DOLK: variants seen among roughly 807,000 people sequenced by gnomAD.
DOLK encodes the protein dolichol kinase, also known as SEC59 homolog.
DOLK carries 20 observed loss-of-function variants against 31.7 expected under a neutral mutation model. That is an observed-to-expected ratio of 0.63 (90% CI 0.44 to 0.92). The LOEUF (loss-of-function observed/expected upper bound fraction) is 0.92. Ranked by LOEUF, DOLK falls within the 40% of genes least tolerant of loss-of-function variation. DOLK has a pLI of 0.00. For missense variants in DOLK, 594 were observed against 680.7 expected (o/e 0.87, Z 1.42); for synonymous variants, 309 against 287.0 (o/e 1.08, Z -0.77).
In DOLK at chr9:128,946,755, G is replaced by A. The variant is rs369689792; in HGVS notation, c.549C>T (p.Tyr183=). 6 of 1,613,942 alleles carry A rather than the reference G, an allele frequency of 3.7e-6. No individual in the cohort carries two copies. The African/African-American group carries it at 8.0e-5, about 22-fold the overall frequency. ...CAGGGGTGAAGCAGCGGGGCAGCAG[G>A]TACAGCAGGATCATGTTGAGATAAA... is the stretch of plus-strand genomic sequence containing the variant. ...IFVYLNMILL[Y]LLPRCFTPGE... The change falls in exon 1 of 1, where the codon TAC becomes TAT. Residue 183 remains tyrosine, a synonymous_variant. Coordinates refer to ENST00000372586, the MANE Select transcript of DOLK (RefSeq NM_014908.4).
Position 128,947,553 on chromosome 9 carries a change from C to CAGT in DOLK, c.-251_-250insACT. Reference sequence around the variant, plus strand: ...CACTCTGCAGCCTTCCTCACAGTTACAGCCGCCCCCGCTGCCGGCTCCTCA... The same window carrying CAGT: ...CACTCTGCAGCCTTCCTCACAGTTACAGTAGCCGCCCCCGCTGCCGGCTCCTCA... On this transcript the variant is annotated 5_prime_UTR_variant, in exon 1 of 1. Transcript: ENST00000372586. 1 of 980,468 alleles carries CAGT rather than the reference C, an allele frequency of 1.0e-6. No homozygotes were observed. Among genetic ancestry groups the CAGT allele is most frequent in the Non-Finnish European group, 1.5e-6 (1 of 673,306 alleles). The allele number at this position is 980,468 out of a possible 1,614,324, so 60.7% of individuals were successfully genotyped here.
chr9:128,945,706 A>C lies in DOLK; in HGVS notation c.1598T>G (p.Leu533Arg), dbSNP rs1400873369. Residue 533 changes from leucine (L) to arginine (R), a missense_variant, in exon 1 of 1, where the codon CTG becomes CGG. Physicochemically the swap from Leu to Arg is moderately radical, Grantham distance 102. Coordinates refer to ENST00000372586, the MANE Select transcript of DOLK (RefSeq NM_014908.4). The part of the protein sequence containing the change: ...IDNLLLPLYL[L>R]ILLMA ...TAACAGCTAGGCCATCAGCAATATC[A>C]GGAGGTAGAGAGGCAGAAGGAGATT... 6.2e-7 allele frequency: 1 copy of C among 1,614,066 alleles called. No homozygotes were observed. The highest frequency in any genetic ancestry group is 1.3e-5 in the African/African-American group (1 of 74,984).
At position 128,947,506 on chromosome 9, in the gene DOLK, C is replaced by A; in HGVS notation, c.-203G>T. ...GCGCCCGGCCACCCCCCACAGCCTC[C>A]AACCTACGGCGTAGACGTCGCCACT... On this transcript the variant is annotated 5_prime_UTR_variant, in exon 1 of 1. Coordinates refer to ENST00000372586, the MANE Select transcript of DOLK (RefSeq NM_014908.4). 1 of 903,602 alleles carries A rather than the reference C, an allele frequency of 1.1e-6. No individual in the cohort carries two copies. The highest frequency in any genetic ancestry group is 1.7e-6 in the Non-Finnish European group (1 of 593,700). The allele number at this position is 903,602 out of a possible 1,614,324, so 56.0% of individuals were successfully genotyped here. A position where few individuals can be genotyped will look rare whatever the true frequency, so the allele number is the denominator to read the frequency against.
chr9:128,946,329 G>A lies in DOLK; in HGVS notation c.975C>T (p.Ser325=), dbSNP rs149462670. ...TGGGGGCCTGGTGCTTCTTGGACTCGGAAGATGACCGCTTGGCATTCTGGT... is the reference window on the plus strand; with the variant it reads ...TGGGGGCCTGGTGCTTCTTGGACTCAGAAGATGACCGCTTGGCATTCTGGT... ...VLYQNAKRSS[S]ESKKHQAPTI... is the part of the protein sequence containing the mutation. Residue 325 remains serine, a synonymous_variant, in exon 1 of 1, where the codon TCC becomes TCT. Transcript: ENST00000372586. 43 of 1,614,130 alleles carry A rather than the reference G, an allele frequency of 2.7e-5. No homozygotes were observed. In the African/African-American group the frequency reaches 3.6e-4, roughly 14 times the overall value.
In DOLK at chr9:128,947,401, C is replaced by T. The variant is rs1413143965; in HGVS notation, c.-98G>A. On this transcript the variant is annotated 5_prime_UTR_variant, in exon 1 of 1. Coordinates refer to ENST00000372586, the MANE Select transcript of DOLK (RefSeq NM_014908.4). Reference sequence around the variant, plus strand: ...TCAAGCAGAGGGAGGCACTTTCACCCGGCCAGCAACCTTCTCCCTCCGTTC... The same window carrying T: ...TCAAGCAGAGGGAGGCACTTTCACCTGGCCAGCAACCTTCTCCCTCCGTTC... The T allele has an allele frequency of 6.9e-7, 1 of 1,459,368 alleles. No homozygotes were observed. The highest frequency in any genetic ancestry group is 9.5e-7 in the Non-Finnish European group (1 of 1,054,922). The allele number at this position is 1,459,368 out of a possible 1,614,324, so 90.4% of individuals were successfully genotyped here.
rs761604406 is a variant in DOLK, at chr9:128,946,313, G to A, written c.991C>T (p.Gln331Ter). ...TACTTTCGGGCGATGGTGGGGGCCTGGTGCTTCTTGGACTCGGAAGATGAC... is the reference window on the plus strand; with the variant it reads ...TACTTTCGGGCGATGGTGGGGGCCTAGTGCTTCTTGGACTCGGAAGATGAC... ...KRSSSESKKH[Q>*]APTIARKYFH... Residue 331 changes from glutamine (Q) to a stop codon, truncating the protein, a stop_gained, in exon 1 of 1, where the codon CAG becomes TAG. Transcript: ENST00000372586. LOFTEE classifies it high-confidence loss of function. The A allele has an allele frequency of 1.2e-6, 2 of 1,614,040 alleles. No homozygotes were observed. Among genetic ancestry groups the A allele is most frequent in the Non-Finnish European group, 1.7e-6 (2 of 1,180,048 alleles).
chr9:128,946,082 G>C lies in DOLK; in HGVS notation c.1222C>G (p.His408Asp), dbSNP rs387907030. 1 of 1,614,166 alleles carries C rather than the reference G, an allele frequency of 6.2e-7. No homozygotes were observed. The highest frequency in any genetic ancestry group is 8.5e-7 in the Non-Finnish European group (1 of 1,180,042). Residue 408 changes from histidine (H) to aspartate (D), a missense_variant, in exon 1 of 1, where the codon CAC (histidine) becomes GAC (aspartate). By Grantham distance (81) the His-to-Asp change is moderately conservative. Coordinates refer to ENST00000372586, the MANE Select transcript of DOLK (RefSeq NM_014908.4). ...GACATGCCCAGGAGCAGGTAGATGT[G>C]TGTCAGAATGAGTGGTCCACTGTCT... ...ERDSGPLILT[H>D]IYLLLGMSLP...
chr9:128,946,050 G>T lies in DOLK; in HGVS notation c.1254C>A (p.Pro418=). ...HIYLLLGMSL[P]IWLIPRPCTQ... ...TGCAGGGTCTGGGGATCAGCCAGAT[G>T]GGAAGAGACATGCCCAGGAGCAGGT... The change falls in exon 1 of 1, where the codon CCC becomes CCA. Residue 418 remains proline, a synonymous_variant. Transcript: ENST00000372586. 2 of 1,614,152 alleles carry T rather than the reference G, an allele frequency of 1.2e-6. No homozygotes were observed. Among genetic ancestry groups the T allele is most frequent in the Non-Finnish European group, 1.7e-6 (2 of 1,180,032 alleles).
Position 128,946,732 on chromosome 9 carries a change from G to T in DOLK, c.572C>A (p.Pro191His), listed in dbSNP as rs767965852. The T allele has an allele frequency of 1.3e-5, 21 of 1,614,020 alleles. No individual in the cohort carries two copies. The Admixed American group carries it at 3.5e-4, about 27-fold the overall frequency. ...ACCCAATACCAGCAGTGCCTCACCA[G>T]GGGTGAAGCAGCGGGGCAGCAGGTA... is the stretch of plus-strand genomic sequence containing the variant. Reference protein sequence around the residue: ...LLYLLPRCFTPGEALLVLGGI... With the variant: ...LLYLLPRCFTHGEALLVLGGI... Residue 191 changes from proline to histidine, a missense_variant, in exon 1 of 1, where the codon CCT (proline) becomes CAT (histidine). By Grantham distance (77) the Pro-to-His change is moderately conservative. Coordinates refer to ENST00000372586, the MANE Select transcript of DOLK (RefSeq NM_014908.4).
chr9:128,945,678 C>T lies in DOLK; in HGVS notation c.*9G>A, dbSNP rs200297855. ...TGTTTCCTCCGTCACTGCTGCTGCA[C>T]TGTAACAGCTAGGCCATCAGCAATA... On this transcript the variant is annotated 3_prime_UTR_variant, in exon 1 of 1. Coordinates refer to ENST00000372586, the MANE Select transcript of DOLK (RefSeq NM_014908.4). The T allele has an allele frequency of 1.9e-6, 3 of 1,614,076 alleles. No individual in the cohort carries two copies. In the East Asian group the frequency reaches 6.7e-5, roughly 36 times the overall value.
In DOLK at chr9:128,945,966, A is replaced by G; in HGVS notation, c.1338T>C (p.Ala446=). 1 of 1,614,146 alleles carries G rather than the reference A, an allele frequency of 6.2e-7. No homozygotes were observed. The highest frequency in any genetic ancestry group is 8.5e-7 in the Non-Finnish European group (1 of 1,180,032). Residue 446 remains alanine, a synonymous_variant, in exon 1 of 1, where the codon GCT becomes GCC. Transcript: ENST00000372586. ...AGGCCACAGTATCACCCACACCCAC[A>G]GCCAGGACACCGGCATAGGGGACGA... ...RALVPYAGVL[A]VGVGDTVASI... is the part of the protein sequence containing the mutation.
At position 128,946,906 on chromosome 9, in the gene DOLK, G is replaced by A; in HGVS notation, c.398C>T (p.Thr133Ile). 1 of 1,604,984 alleles carries A rather than the reference G, an allele frequency of 6.2e-7. No individual in the cohort carries two copies. Residue 133 changes from threonine to isoleucine, a missense_variant, in exon 1 of 1, where the codon ACT becomes ATT. Thr to Ile is a moderately conservative substitution (Grantham distance 89). Coordinates refer to ENST00000372586, the MANE Select transcript of DOLK (RefSeq NM_014908.4). ...LFSSVLALGI[T>I]RPVPTNTCVI... ...ACAAGTGTTGGTTGGCACTGGGCGAGTGATGCCGAGCGCCAACACTGATGA... is the reference window on the plus strand; with the variant it reads ...ACAAGTGTTGGTTGGCACTGGGCGAATGATGCCGAGCGCCAACACTGATGA...
At position 128,945,977 on chromosome 9, in the gene DOLK, C is replaced by T. The variant is rs771383896; in HGVS notation, c.1327G>A (p.Gly443Ser). 6.8e-6 allele frequency: 11 copies of T among 1,614,028 alleles called. No individual in the cohort carries two copies. Among genetic ancestry groups the T allele is most frequent in the East Asian group, 2.2e-5 (1 of 44,886 alleles). ...GGARALVPYA[G>S]VLAVGVGDTV... ...TCACCCACACCCACAGCCAGGACACCGGCATAGGGGACGAGGGCCCTGGCT... is the reference window on the plus strand; with the variant it reads ...TCACCCACACCCACAGCCAGGACACTGGCATAGGGGACGAGGGCCCTGGCT... Residue 443 changes from glycine (G) to serine (S), a missense_variant, in exon 1 of 1, where the codon GGT becomes AGT. Transcript: ENST00000372586.
At position 128,946,193 on chromosome 9, in the gene DOLK, T is replaced by TG; in HGVS notation, c.1110dup (p.Ile371HisfsTer28). ...AAGTAGCGCACATACTCCAGGAAGA[T>TG]GAAGACCGCCAGGCATACAGTGGCG... On this transcript the variant is annotated frameshift_variant, in exon 1 of 1. Transcript: ENST00000372586. LOFTEE classifies it high-confidence loss of function. 1 of 1,614,162 alleles carries TG rather than the reference T, an allele frequency of 6.2e-7. No individual in the cohort carries two copies. The highest frequency in any genetic ancestry group is 1.3e-5 in the African/African-American group (1 of 75,050).
Position 128,946,231 on chromosome 9 carries a change from A to T in DOLK, c.1073T>A (p.Leu358Gln). The T allele has an allele frequency of 2.5e-6, 4 of 1,614,192 alleles. No homozygotes were observed. Among genetic ancestry groups the T allele is most frequent in the Non-Finnish European group, 3.4e-6 (4 of 1,180,048 alleles). ...YIPGIIFDRP[L>Q]LYVAATVCLA... ...GCATACAGTGGCGGCTACATAGAGCAGTGGCCGGTCAAAGATGATACCTGG... is the reference window on the plus strand; with the variant it reads ...GCATACAGTGGCGGCTACATAGAGCTGTGGCCGGTCAAAGATGATACCTGG... Residue 358 changes from leucine to glutamine, a missense_variant, in exon 1 of 1, where the codon CTG becomes CAG. Leu to Gln is a moderately radical substitution (Grantham distance 113). Transcript: ENST00000372586.
In DOLK at chr9:128,946,065, C is replaced by T. The variant is rs142287416; in HGVS notation, c.1239G>A (p.Leu413=). ...PLILTHIYLL[L]GMSLPIWLIP... ...TCAGCCAGATGGGAAGAGACATGCC[C>T]AGGAGCAGGTAGATGTGTGTCAGAA... Residue 413 remains leucine, a synonymous_variant, in exon 1 of 1, where the codon CTG becomes CTA. Coordinates refer to ENST00000372586, the MANE Select transcript of DOLK (RefSeq NM_014908.4). 2 of 1,613,986 alleles carry T rather than the reference C, an allele frequency of 1.2e-6. No individual in the cohort carries two copies. The highest frequency in any genetic ancestry group is 1.1e-5 in the South Asian group (1 of 91,082).
rs1841680726 is a variant in DOLK at position 128,946,877 on chromosome 9, T to C, written c.427A>G (p.Ile143Val). ...TRPVPTNTCV[I>V]LGLAGGVIIY... Reference sequence around the variant, plus strand: ...ATAACACCTCCAGCCAAGCCCAAGATGACACAAGTGTTGGTTGGCACTGGG... The same window carrying C: ...ATAACACCTCCAGCCAAGCCCAAGACGACACAAGTGTTGGTTGGCACTGGG... Residue 143 changes from isoleucine (I) to valine (V), a missense_variant, in exon 1 of 1, where the codon ATC becomes GTC. By Grantham distance (29) the Ile-to-Val change is conservative. Transcript: ENST00000372586. 2 of 1,608,090 alleles carry C rather than the reference T, an allele frequency of 1.2e-6. No homozygotes were observed. The highest frequency in any genetic ancestry group is 1.1e-5 in the South Asian group (1 of 91,080).
rs779563628 is a variant in DOLK at position 128,946,639 on chromosome 9, G to A, written c.665C>T (p.Pro222Leu). The A allele has an allele frequency of 6.2e-7, 1 of 1,614,094 alleles. No homozygotes were observed. Among genetic ancestry groups the A allele is most frequent in the Non-Finnish European group, 8.5e-7 (1 of 1,180,022 alleles). ...SLTLVESQGD[P>L]VDFFLLVVVV... ...CACCACCAGCAGGAAGAAGTCCACT[G>A]GGTCCCCCTGACTTTCCACCAGTGT... The change falls in exon 1 of 1, where the codon CCA becomes CTA. Residue 222 changes from proline (P) to leucine (L), a missense_variant. Transcript: ENST00000372586.
chr9:128,946,314 G>C lies in DOLK; in HGVS notation c.990C>G (p.His330Gln). 1 of 1,614,144 alleles carries C rather than the reference G, an allele frequency of 6.2e-7. No homozygotes were observed. Among genetic ancestry groups the C allele is most frequent in the Non-Finnish European group, 8.5e-7 (1 of 1,180,038 alleles). Residue 330 changes from histidine (H) to glutamine (Q), a missense_variant, in exon 1 of 1, where the codon CAC (histidine) becomes CAG (glutamine). By Grantham distance (24) the His-to-Gln change is conservative. Coordinates refer to ENST00000372586, the MANE Select transcript of DOLK (RefSeq NM_014908.4). ...ACTTTCGGGCGATGGTGGGGGCCTGGTGCTTCTTGGACTCGGAAGATGACC... is the reference window on the plus strand; with the variant it reads ...ACTTTCGGGCGATGGTGGGGGCCTGCTGCTTCTTGGACTCGGAAGATGACC... The part of the protein sequence containing the change: ...AKRSSSESKK[H>Q]QAPTIARKYF...
Sources: allele counts gnomAD v4.1 joint callset, GRCh38; gene constraint gnomAD v4.1.1; transcripts MANE v1.5; gene names NCBI Gene and HGNC (gene_info 2026-07-23, HGNC 2026-07-21).